Variants in SKOR2 observed in about 807,000 individuals in gnomAD.
The protein encoded by SKOR2 is SKI family transcriptional corepressor 2, also known as LBX1 corepressor 1-like protein.
Under a neutral mutation model 69.1 loss-of-function variants are expected in SKOR2, and 47 were observed. The ratio of observed to expected loss-of-function variants is 0.68; its 90% confidence interval spans 0.54 to 0.87. The LOEUF is 0.87. SKOR2 is among the 40% of genes least tolerant of loss of function. The probability of loss-of-function intolerance (pLI) is 0.00; values close to 1 mark genes in which losing one functional copy is unlikely to be tolerated. For missense variants in SKOR2, 1,404 were observed against 1,472.2 expected (o/e 0.95, Z 0.76); for synonymous variants, 717 against 672.6 (o/e 1.07, Z -1.02).
At position 47,246,748 on chromosome 18, in the gene SKOR2, G is replaced by T. The variant is rs1256194326; in HGVS notation, c.2436C>A (p.Leu812=). The change falls in exon 2 of 9, where the codon CTC becomes CTA. Residue 812 remains leucine, a synonymous_variant. Transcript: ENST00000425639. ...GCAGCAGCCTGGAGGAGTTCAGGCC[G>T]AGCGGGAACGCGCCCGCGACGGCCG... is the stretch of plus-strand genomic sequence containing the variant. ...RAPAVAGAFP[L]GLNSSRLLQE... The T allele has an allele frequency of 3.1e-5, 43 of 1,407,918 alleles. No homozygotes were observed. The highest frequency in any genetic ancestry group is 3.7e-5 in the Non-Finnish European group (40 of 1,091,712). The allele number at this position is 1,407,918 out of a possible 1,614,324, so 87.2% of individuals were successfully genotyped here. A position where few individuals can be genotyped will look rare whatever the true frequency, so the allele number is the denominator to read the frequency against.
chr18:47,246,902 C>T lies in SKOR2; in HGVS notation c.2282G>A (p.Arg761Gln), dbSNP rs1293682511. 6.7e-7 allele frequency: 1 copy of T among 1,491,540 alleles called. No homozygotes were observed. Among genetic ancestry groups the T allele is most frequent in the East Asian group, 2.8e-5 (1 of 35,626 alleles). The allele number at this position is 1,491,540 out of a possible 1,614,324, so 92.4% of individuals were successfully genotyped here. A position where few individuals can be genotyped will look rare whatever the true frequency, so the allele number is the denominator to read the frequency against. ...PPEGEEEEEG[R>Q]DPDDDEEEDE... ...CTCTTCCTCGTCGTCGTCAGGGTCT[C>T]GACCTTCCTCCTCTTCCTCGCCCTC... The change falls in exon 2 of 9, where the codon CGA becomes CAA. Residue 761 changes from arginine to glutamine, a missense_variant. Coordinates refer to ENST00000425639, the MANE Select transcript of SKOR2 (RefSeq NM_001278063.4).
chr18:47,239,378 T>C (rs981807600), intron 4 of SKOR2, among the ~76,000 whole-genome samples: 5 of 151,916 alleles, frequency 3.3e-5, no homozygotes, highest in African/African-American at 9.7e-5. Flanking sequence ...GGAAAGCATA[T>C]GCTACAGAAT....
chr18:47,227,250 C>T (rs552790459), intron 6 of SKOR2, among the ~76,000 whole-genome samples: 1 of 150,304 alleles, frequency 6.7e-6, no homozygotes, highest in East Asian at 2.0e-4. Flanking sequence ...TCTCTGTTAT[C>T]TTTATTTGTA....
Position 47,245,478 on chromosome 18 carries a change from A to AGTTTTTTTTT in SKOR2, c.2677+19_2677+20insAAAAAAAAAC. The AGTTTTTTTTT allele has an allele frequency of 8.4e-7, 1 of 1,194,644 alleles. No individual in the cohort carries two copies. Among genetic ancestry groups the AGTTTTTTTTT allele is most frequent in the Non-Finnish European group, 1.1e-6 (1 of 933,368 alleles). The allele number at this position is 1,194,644 out of a possible 1,614,324, so 74.0% of individuals were successfully genotyped here. ...ATGCAGGCAAGAAAAGTGGCAGCTG[A>AGTTTTTTTTT]TTTTTTTTTTTTTTTTTACCTGAAA... On this transcript the variant is annotated intron_variant, in intron 3 of 8. Coordinates refer to ENST00000425639, the MANE Select transcript of SKOR2 (RefSeq NM_001278063.4).
chr18:47,231,065 C>T (rs562102588), intron 4 of SKOR2, 65 bp from the exon 5 acceptor site: 93 of 1,534,874 alleles, frequency 6.1e-5, no homozygotes, highest in Middle Eastern at 1.7e-4. Flanking sequence ...TTTTCCTTTA[C>T]ATTTTCTTTT....
chr18:47,215,560 G>A (rs1555657469), intron 7 of SKOR2, among the ~76,000 whole-genome samples: 1 of 152,136 alleles, frequency 6.6e-6, no homozygotes, highest in Non-Finnish European at 1.5e-5. Context: ...CTGTGACGAT[G>A]CACTGCACTC....
rs528764374 is a variant in SKOR2 at position 47,208,286 on chromosome 18, T to C, written c.*4-1394A>G. Among the ~76,000 whole-genome samples the C allele has an allele frequency of 1.2e-4, 18 of 152,288 alleles. No individual in the cohort carries two copies. In the South Asian group the frequency reaches 3.7e-3, roughly 32 times the overall value. On this transcript the variant is annotated intron_variant, in intron 8 of 8. Transcript: ENST00000425639. ...GCTATGTGACTCCTCTGAGCCTCAG[T>C]TTCTAAGTATGAAATGGAGGTAATA...
At position 47,248,058 on chromosome 18, in the gene SKOR2, C is replaced by T. The variant is rs763415029; in HGVS notation, c.1126G>A (p.Gly376Ser). 7 of 1,427,768 alleles carry T rather than the reference C, an allele frequency of 4.9e-6. No homozygotes were observed. In the South Asian group the frequency reaches 9.8e-5, roughly 20 times the overall value. The allele number at this position is 1,427,768 out of a possible 1,614,324, so 88.4% of individuals were successfully genotyped here. ...GGGATGACTGGGTAGCTGCGCGGGC[C>T]TTTGGCCCCTGCCCCGGCACCCGCC... ...AGAGAGAGAK[G>S]PRSYPVIPVP... The change falls in exon 2 of 9, where the codon GGC becomes AGC. Residue 376 changes from glycine to serine, a missense_variant. Gly to Ser is a moderately conservative substitution (Grantham distance 56). This residue lies in a region of SKOR2 where 1,266 missense variants were observed against 1,309.9 expected (regional missense o/e 0.97). Transcript: ENST00000425639. This position sits in a 1 kb window ranked among gnomAD's most constrained non-coding sequence, Gnocchi z 6.4.
chr18:47,238,598 C>T (rs2064235797), intron 4 of SKOR2, among the ~76,000 whole-genome samples: 1 of 152,126 alleles, frequency 6.6e-6, no homozygotes, highest in African/African-American at 2.4e-5. Context: ...GCTGGGATTA[C>T]AGGCATGAGC....
intron 2 of SKOR2, among the ~76,000 whole-genome samples, 153 bp from the exon 3 acceptor site, chr18:47,245,714 C>A (rs1490609970): frequency 6.6e-6 from 1 of 151,562 alleles, no homozygotes; most frequent in Non-Finnish European, 1.5e-5. Flanking sequence ...TACTTTTTTA[C>A]TTAAATACAT....
At chr18:47,215,188 C>T (rs2064140127) in intron 7 of SKOR2, among the ~76,000 whole-genome samples, 2 of 152,138 alleles carry the variant, frequency 1.3e-5, no homozygotes, top group African/African-American at 4.8e-5. Flanking sequence ...CAAAGTCTGT[C>T]TACTGCTAGA....
intron 4 of SKOR2, among the ~76,000 whole-genome samples, chr18:47,237,312 C>G (rs1362612901): frequency 6.6e-6 from 1 of 152,170 alleles, no homozygotes; most frequent in African/African-American, 2.4e-5. Flanking sequence ...CAGGAACAAA[C>G]AAAACCACAG....
chr18:47,209,556 AAT>A (rs1295379576), intron 8 of SKOR2, among the ~76,000 whole-genome samples: 1 of 152,220 alleles, frequency 6.6e-6, no homozygotes, highest in Non-Finnish European at 1.5e-5. Context: ...TACTTAGAGA[AAT>A]CCCTGTTGTC....
At chr18:47,216,609 GA>G (rs964642099) in intron 7 of SKOR2, among the ~76,000 whole-genome samples, 4 of 152,134 alleles carry the variant, frequency 2.6e-5, no homozygotes, top group African/African-American at 4.8e-5. Context: ...AGGAGCCAAA[GA>G]AATTCATAAG....
At chr18:47,236,779 T>C (rs1184842016) in intron 4 of SKOR2, among the ~76,000 whole-genome samples, 1 of 147,774 alleles carries the variant, frequency 6.8e-6, no homozygotes, top group African/African-American at 2.5e-5. Flanking sequence ...GATGGTATTA[T>C]TTTTTTTTTA....
At chr18:47,207,653 G>A (rs2064116835) in intron 8 of SKOR2, among the ~76,000 whole-genome samples, 1 of 152,168 alleles carries the variant, frequency 6.6e-6, no homozygotes, top group African/African-American at 2.4e-5. Flanking sequence ...GACTAAAGAT[G>A]AGAGAAATGA....
At chr18:47,241,070 G>A (rs2064246547) in intron 4 of SKOR2, among the ~76,000 whole-genome samples, 1 of 152,108 alleles carries the variant, frequency 6.6e-6, no homozygotes, top group African/African-American at 2.4e-5. Flanking sequence ...TACTCATACT[G>A]CCTTCTTAGG....
chr18:47,219,077 C>T (rs2064153079), intron 7 of SKOR2, among the ~76,000 whole-genome samples: 1 of 152,160 alleles, frequency 6.6e-6, no homozygotes, highest in Non-Finnish European at 1.5e-5. Context: ...GGCACATATG[C>T]ATGGATCCAT....
Position 47,248,013 on chromosome 18 carries a change from A to G in SKOR2, c.1171T>C (p.Phe391Leu). 3 of 1,438,050 alleles carry G rather than the reference A, an allele frequency of 2.1e-6. No homozygotes were observed. Among genetic ancestry groups the G allele is most frequent in the Non-Finnish European group, 2.7e-6 (3 of 1,097,392 alleles). The allele number at this position is 1,438,050 out of a possible 1,614,324, so 89.1% of individuals were successfully genotyped here. ...GGGAACTTCTGCAGGACGCCCCCGAACGAGCCCTTGCTGGGCACCGGGATG... is the reference window on the plus strand; with the variant it reads ...GGGAACTTCTGCAGGACGCCCCCGAGCGAGCCCTTGCTGGGCACCGGGATG... ...PVIPVPSKGS[F>L]GGVLQKFPGC... Residue 391 changes from phenylalanine to leucine, a missense_variant, in exon 2 of 9, where the codon TTC becomes CTC. Coordinates refer to ENST00000425639, the MANE Select transcript of SKOR2 (RefSeq NM_001278063.4). This position sits in a 1 kb window ranked among gnomAD's most constrained non-coding sequence, Gnocchi z 6.4.
Sources: gnomAD v4.1 joint callset for allele counts (sites outside exome capture counted in the v4.1 genomes callset) on GRCh38, gnomAD v4.1.1 for gene constraint, gnomAD v4.1.1 regional missense constraint, Gnocchi (gnomAD v3.1) non-coding constraint, MANE v1.5 for transcripts, NCBI Gene and HGNC (gene_info 2026-07-23, HGNC 2026-07-21) for gene names.